Variants in GAB2 observed in about 807,000 individuals in gnomAD.
GAB2 encodes GRB2-associated-binding protein 2.
GAB2 carries 26 observed loss-of-function variants against 65.5 expected under a neutral mutation model. The observed-to-expected ratio is 0.40, with a 90% CI of 0.29 to 0.55. The LOEUF (loss-of-function observed/expected upper bound fraction) is 0.55, where lower values mean the gene tolerates loss of function less well. Ranked by LOEUF, GAB2 falls within the 20% of genes least tolerant of loss-of-function variation. The pLI, the probability that GAB2 is intolerant of heterozygous loss-of-function variation, is 0.53. For synonymous variants in GAB2, 321 were observed against 329.6 expected, an observed-to-expected ratio of 0.97 and a Z score of 0.28; for missense variants, 884 against 875.8, an observed-to-expected ratio of 1.01 and a Z score of -0.12.
intron 1 of GAB2, among the ~76,000 whole-genome samples, chr11:78,358,863 G>A (rs1856396272): frequency 1.3e-5 from 2 of 152,094 alleles, no homozygotes; most frequent in Non-Finnish European, 2.9e-5. Flanking sequence ...AGATTTAGAA[G>A]AGAAGCTTGA....
intron 1 of GAB2, among the ~76,000 whole-genome samples, chr11:78,417,221 C>G (rs1295552802): frequency 2.3e-4 from 35 of 152,118 alleles, no homozygotes; most frequent in African/African-American, 8.2e-4. Flanking sequence ...GTGGGGCCGT[C>G]CGCGCGGCCC....
intron 2 of GAB2, among the ~76,000 whole-genome samples, chr11:78,272,836 C>T (rs985241612): frequency 3.3e-5 from 5 of 152,040 alleles, no homozygotes; most frequent in East Asian, 1.9e-4. Flanking sequence ...TTTTGTGGGC[C>T]GGGCCCAGGG....
intron 1 of GAB2, among the ~76,000 whole-genome samples, chr11:78,397,106 G>A (rs190292359): frequency 2.4e-4 from 36 of 151,982 alleles, no homozygotes; most frequent in African/African-American, 8.2e-4. Context: ...ACTTTATTGT[G>A]AATAAAACAA....
chr11:78,222,698 T>G (rs1281796722), intron 6 of GAB2, among the ~76,000 whole-genome samples: 4 of 152,082 alleles, frequency 2.6e-5, no homozygotes, highest in Non-Finnish European at 5.9e-5. Context: ...TTCTCCTGCC[T>G]CAGCCTCCCT....
chr11:78,342,259 C>T (rs961728162), intron 1 of GAB2, among the ~76,000 whole-genome samples: 3 of 152,152 alleles, frequency 2.0e-5, no homozygotes, highest in African/African-American at 7.2e-5. Context: ...ATTCTCACAT[C>T]GCATTATTCC....
At chr11:78,375,014 C>T (rs2134732178) in intron 1 of GAB2, among the ~76,000 whole-genome samples, 1 of 152,290 alleles carries the variant, frequency 6.6e-6, no homozygotes. Context: ...ACAAACTGCA[C>T]ACTTTGCAAT....
At chr11:78,410,337 C>G (rs1034190717) in intron 1 of GAB2, among the ~76,000 whole-genome samples, 2 of 152,164 alleles carry the variant, frequency 1.3e-5, no homozygotes, top group African/African-American at 4.8e-5. Context: ...AACCCTGTCT[C>G]TACTAAAAAT....
intron 3 of GAB2, among the ~76,000 whole-genome samples, chr11:78,237,634 G>C (rs1280400400): frequency 6.6e-6 from 1 of 152,164 alleles, no homozygotes; most frequent in Non-Finnish European, 1.5e-5. Flanking sequence ...AAAAAAAAGG[G>C]TGGGGAAATG....
intron 2 of GAB2, among the ~76,000 whole-genome samples, chr11:78,254,131 A>C (rs1211291121): frequency 6.6e-6 from 1 of 152,120 alleles, no homozygotes; most frequent in Non-Finnish European, 1.5e-5. Context: ...CAGTCTCCTT[A>C]TTTACAAATC....
chr11:78,291,727 T>A (rs1015433122), intron 1 of GAB2, among the ~76,000 whole-genome samples: 1 of 142,448 alleles, frequency 7.0e-6, no homozygotes, highest in Non-Finnish European at 1.5e-5. Flanking sequence ...TGCGCCATCA[T>A]ACCCAGTTAA....
intron 3 of GAB2, among the ~76,000 whole-genome samples, chr11:78,233,278 G>T (rs540989892): frequency 6.6e-6 from 1 of 152,104 alleles, no homozygotes; most frequent in East Asian, 1.9e-4. Context: ...GAAGCAATCC[G>T]CCTGTCTTGG....
At chr11:78,396,426 T>C (rs1856895556) in intron 1 of GAB2, among the ~76,000 whole-genome samples, 2 of 152,366 alleles carry the variant, frequency 1.3e-5, no homozygotes, top group African/African-American at 2.4e-5. Flanking sequence ...AGAACATGTT[T>C]ACACCTCACA....
At chr11:78,270,850 G>A (rs1027952903) in intron 2 of GAB2, among the ~76,000 whole-genome samples, 1 of 152,154 alleles carries the variant, frequency 6.6e-6, no homozygotes, top group Admixed American at 6.5e-5. Context: ...TCCCAACAAC[G>A]CTGTGAGGAG....
At chr11:78,339,985 G>A (rs1283847065) in intron 1 of GAB2, among the ~76,000 whole-genome samples, 1 of 152,136 alleles carries the variant, frequency 6.6e-6, no homozygotes, top group Admixed American at 6.5e-5. Context: ...ACTACGGGTT[G>A]TTTTTCTTTT....
intron 2 of GAB2, among the ~76,000 whole-genome samples, chr11:78,276,891 C>T (rs768587436): frequency 3.9e-5 from 6 of 152,186 alleles, no homozygotes; most frequent in Non-Finnish European, 7.4e-5. Context: ...AATCTCGGCT[C>T]ACTACAAGCT....
At chr11:78,237,674 T>C (rs1865017239) in intron 3 of GAB2, among the ~76,000 whole-genome samples, 1 of 152,082 alleles carries the variant, frequency 6.6e-6, no homozygotes, top group South Asian at 2.1e-4. Flanking sequence ...TAAAAAATCA[T>C]CTTAACTGAG....
rs201856232 is a variant in GAB2 at position 78,243,834 on chromosome 11, ACT to A, written c.620+6321_620+6322del. ...ACTCCAGCCTGGAGGACAGAGCAAGACTCTGTCTCAGAAAAAGAAAAAAGAAA... is the reference window on the plus strand; with the variant it reads ...ACTCCAGCCTGGAGGACAGAGCAAGACTGTCTCAGAAAAAGAAAAAAGAAA... On this transcript the variant is annotated intron_variant, in intron 3 of 9. Transcript: ENST00000361507. 4.9e-3 allele frequency among the ~76,000 whole-genome samples: 747 copies of A among 152,272 alleles called. 28 individuals are homozygous for A. Among genetic ancestry groups the A allele is most frequent in the Admixed American group, 0.04 (617 of 15,298 alleles).
At chr11:78,263,515 T>C (rs949580517) in intron 2 of GAB2, among the ~76,000 whole-genome samples, 22 of 151,744 alleles carry the variant, frequency 1.4e-4, no homozygotes, top group Non-Finnish European at 2.7e-4. Context: ...TGCCTGTAGT[T>C]CCAGCTAGTA....
intron 1 of GAB2, chr11:78,341,788 T>A (rs1856099724): frequency 1.0e-6 from 1 of 986,312 alleles, no homozygotes; most frequent in Non-Finnish European, 1.2e-6. Flanking sequence ...AAGGTCTAAT[T>A]CCCTCACTTG....
Sources: allele counts gnomAD v4.1 joint callset (sites outside exome capture counted in the v4.1 genomes callset), GRCh38; gene constraint gnomAD v4.1.1; transcripts MANE v1.5; gene names NCBI Gene and HGNC (gene_info 2026-07-23, HGNC 2026-07-21).